LRRIQ1: variants seen among roughly 807,000 people sequenced by gnomAD.
The protein encoded by LRRIQ1 is leucine-rich repeat- and IQ domain-containing protein 1.
Under a neutral mutation model 211.9 loss-of-function variants are expected in LRRIQ1, and 210 were observed. That is an observed-to-expected ratio of 0.99 (90% confidence interval 0.89 to 1.11). The LOEUF is 1.11. Ranked by LOEUF, LRRIQ1 falls within the 50% of genes most tolerant of loss-of-function variation. The probability of loss-of-function intolerance (pLI) is 0.00; values close to 1 mark genes in which losing one functional copy is unlikely to be tolerated. For missense variants in LRRIQ1, 2,136 were observed against 1,939.5 expected (o/e 1.10, Z -1.90); for synonymous variants, 699 against 650.1 (o/e 1.08, Z -1.14).
chr12:85,263,192 G>C (rs1308301223), exon 2 of LRRIQ1: 1 of 431,090 alleles, frequency 2.3e-6, no homozygotes, highest in African/African-American at 2.2e-5. Flanking sequence ...TATTTCACAA[G>C]TTTGTTTTCT....
intron 11 of LRRIQ1, among the ~76,000 whole-genome samples, chr12:85,079,277 T>G (rs1326706768): frequency 7.6e-6 from 1 of 131,188 alleles, no homozygotes; most frequent in Non-Finnish European, 1.5e-5. Flanking sequence ...TGAGATGGAG[T>G]CTCACTCTGT....
intron 8 of LRRIQ1, among the ~76,000 whole-genome samples, chr12:85,063,563 C>T (rs1882097041): frequency 6.6e-6 from 1 of 151,548 alleles, no homozygotes; most frequent in Non-Finnish European, 1.5e-5. Flanking sequence ...TACTCTTAGT[C>T]ATTTTAAAAT....
At chr12:85,197,589 A>G (rs1453943229) in intron 24 of LRRIQ1, among the ~76,000 whole-genome samples, 3 of 151,168 alleles carry the variant, frequency 2.0e-5, no homozygotes, top group Non-Finnish European at 4.4e-5. Context: ...CAAAAAACCA[A>G]ACACCACATA....
intron 13 of LRRIQ1, among the ~76,000 whole-genome samples, chr12:85,099,316 A>T (rs966711151): frequency 6.6e-6 from 1 of 151,796 alleles, no homozygotes; most frequent in Non-Finnish European, 1.5e-5. Context: ...AAAATACAGG[A>T]GGTAGTTAAT....
At chr12:85,127,792 T>A in intron 17 of LRRIQ1, 40 bp from the exon 18 acceptor site, 1 of 1,550,272 alleles carries the variant, frequency 6.5e-7, no homozygotes, top group Non-Finnish European at 8.9e-7. Flanking sequence ...TATTTACAGA[T>A]AATAAAAAAA....
intron 24 of LRRIQ1, among the ~76,000 whole-genome samples, chr12:85,222,801 G>T (rs1485411398): frequency 2.3e-4 from 35 of 152,154 alleles, no homozygotes; most frequent in Admixed American, 2.3e-3. Flanking sequence ...CGTTGGGTTT[G>T]AGAGGAAGAG....
chr12:85,051,220 A>T (rs914693975), intron 6 of LRRIQ1, among the ~76,000 whole-genome samples: 4 of 151,454 alleles, frequency 2.6e-5, no homozygotes, highest in African/African-American at 9.7e-5. Flanking sequence ...CATGTGACTC[A>T]CTGGCTTCAT....
At chr12:85,050,390 A>C (rs1880160902) in intron 6 of LRRIQ1, among the ~76,000 whole-genome samples, 1 of 152,196 alleles carries the variant, frequency 6.6e-6, no homozygotes, top group Non-Finnish European at 1.5e-5. Flanking sequence ...GTATCAAAAC[A>C]AGGTAGACTA....
rs12582207 is a variant in LRRIQ1, at chr12:85,177,612, G to C, written c.4822+16898G>C. The stretch of plus-strand genomic sequence containing the variant: ...TTGGTATGGCTAGAGAACAAGGAGT[G>C]AGATGAAGCTGGAAAAATTGGTAAG... On this transcript the variant is annotated intron_variant, in intron 24 of 26. Coordinates refer to ENST00000393217, the MANE Select transcript of LRRIQ1 (RefSeq NM_001079910.2). Among the ~76,000 whole-genome samples, 1,616 of 152,208 alleles carry C rather than the reference G, an allele frequency of 0.011. 117 individuals are homozygous for C. The East Asian group carries it at 0.2, about 19-fold the overall frequency.
intron 24 of LRRIQ1, among the ~76,000 whole-genome samples, chr12:85,197,928 TATA>T (rs1893029528): frequency 2.7e-5 from 3 of 111,168 alleles, no homozygotes; most frequent in South Asian, 4.6e-4. Flanking sequence ...ATATATATAA[TATA>T]ATTATATATA....
At chr12:85,068,472 T>A (rs930099297) in intron 10 of LRRIQ1, among the ~76,000 whole-genome samples, 1 of 151,916 alleles carries the variant, frequency 6.6e-6, no homozygotes, top group African/African-American at 2.4e-5. Flanking sequence ...ATATTAAACA[T>A]TTGCTTCATC....
At chr12:85,089,117 C>T (rs1295254445) in intron 11 of LRRIQ1, among the ~76,000 whole-genome samples, 2 of 152,158 alleles carry the variant, frequency 1.3e-5, no homozygotes, top group African/African-American at 4.8e-5. Flanking sequence ...TACGTCCCAT[C>T]AATACCTAAT....
At chr12:85,092,710 C>T (rs1331770045) in intron 11 of LRRIQ1, among the ~76,000 whole-genome samples, 3 of 152,098 alleles carry the variant, frequency 2.0e-5, no homozygotes, top group South Asian at 4.1e-4. Context: ...GACCAAGCAC[C>T]CTGCACTAAC....
chr12:85,090,536 G>A (rs1397992397), intron 11 of LRRIQ1, among the ~76,000 whole-genome samples: 6 of 152,166 alleles, frequency 3.9e-5, no homozygotes, highest in Non-Finnish European at 1.5e-5. Flanking sequence ...ATTGTACCCT[G>A]GAGTCAAAGG....
At chr12:85,226,273 G>A (rs1411461984) in intron 24 of LRRIQ1, among the ~76,000 whole-genome samples, 2 of 152,102 alleles carry the variant, frequency 1.3e-5, no homozygotes, top group African/African-American at 4.8e-5. Context: ...CTAAAAGTTT[G>A]CTTATTACAA....
chr12:85,152,341 T>C lies in LRRIQ1; in HGVS notation c.4391T>C (p.Leu1464Pro), dbSNP rs1175503468. ...ACCCGCTTCCCTTCACAAACACTGC[T>C]TCTTTCAAACCAGCTGCATTGGCCA... The part of the protein sequence containing the change: ...DSTRFPSQTL[L>P]LSNQLHWPKI... Residue 1464 changes from leucine (L) to proline (P), a missense_variant, in exon 20 of 27, where the codon CTT becomes CCT. By Grantham distance (98) the Leu-to-Pro change is moderately conservative. Transcript: ENST00000393217. The C allele has an allele frequency of 1.2e-6, 2 of 1,611,444 alleles. No individual in the cohort carries two copies. Among genetic ancestry groups the C allele is most frequent in the Admixed American group, 1.7e-5 (1 of 59,724 alleles).
chr12:85,164,991 T>G (rs1376092017), intron 24 of LRRIQ1, among the ~76,000 whole-genome samples: 1 of 152,184 alleles, frequency 6.6e-6, no homozygotes, highest in East Asian at 1.9e-4. Context: ...ATTTAGGATA[T>G]CATTTAGTGC....
downstream of LRRIQ1, among the ~76,000 whole-genome samples, chr12:85,248,455 G>A (rs1339789948): frequency 6.6e-6 from 1 of 151,458 alleles, no homozygotes; most frequent in African/African-American, 2.4e-5. Flanking sequence ...TTTATTGAAT[G>A]CTCACTGCTC....
At chr12:85,271,249 A>G in the LRRIQ1 span, among the ~76,000 whole-genome samples, 5 of 152,184 alleles carry the variant, frequency 3.3e-5, no homozygotes, top group Non-Finnish European at 5.9e-5. Flanking sequence ...TAACCCTGTA[A>G]CACACGTTGT....
Sources: allele counts gnomAD v4.1 joint callset (sites outside exome capture counted in the v4.1 genomes callset), GRCh38; gene constraint gnomAD v4.1.1; transcripts MANE v1.5; gene names NCBI Gene and HGNC (gene_info 2026-07-23, HGNC 2026-07-21).